FBXL7: variants seen among roughly 807,000 people sequenced by gnomAD.
The protein encoded by FBXL7 is F-box/LRR-repeat protein 7.
In FBXL7, 12 loss-of-function variants were observed where a neutral mutation model predicts 38.3. The observed-to-expected ratio is 0.31, with a 90% CI of 0.20 to 0.51. The LOEUF is 0.51. Among genes scored for constraint, FBXL7 ranks in the 20% least tolerant of loss-of-function variants. FBXL7 has a pLI of 0.98. For synonymous variants in FBXL7, 297 were observed against 300.9 expected, an observed-to-expected ratio of 0.99 and a Z score of 0.13; for missense variants, 567 against 676.4, an observed-to-expected ratio of 0.84 and a Z score of 1.79.
chr5:15,627,798 G>A (rs926546895), intron 2 of FBXL7, among the ~76,000 whole-genome samples: 12 of 152,130 alleles, frequency 7.9e-5, no homozygotes, highest in Non-Finnish European at 8.8e-5. Flanking sequence ...CACGGACACA[G>A]TTTGACCTTA....
intron 2 of FBXL7, among the ~76,000 whole-genome samples, chr5:15,854,691 C>T (rs189401727): frequency 6.6e-6 from 1 of 152,298 alleles, no homozygotes; most frequent in East Asian, 1.9e-4. Flanking sequence ...GTTGCAGGCT[C>T]ATGCTTTCAG....
intron 2 of FBXL7, among the ~76,000 whole-genome samples, chr5:15,818,150 T>C (rs1285693614): frequency 6.6e-6 from 1 of 152,086 alleles, no homozygotes; most frequent in African/African-American, 2.4e-5. Context: ...GTGTGGTGTG[T>C]GCGTGTTATT....
At chr5:15,896,304 G>C (rs1171597039) in intron 2 of FBXL7, among the ~76,000 whole-genome samples, 1 of 152,098 alleles carries the variant, frequency 6.6e-6, no homozygotes, top group Non-Finnish European at 1.5e-5. Flanking sequence ...AGATGTTTAG[G>C]TCGGAAATGT....
At chr5:15,535,718 T>A (rs1462107590) in intron 1 of FBXL7, among the ~76,000 whole-genome samples, 3 of 152,208 alleles carry the variant, frequency 2.0e-5, no homozygotes, top group Admixed American at 1.3e-4. Flanking sequence ...TGAAATTGGA[T>A]CTTCTGTTTA....
chr5:15,799,425 G>A (rs1000255503), intron 2 of FBXL7, among the ~76,000 whole-genome samples: 11 of 144,846 alleles, frequency 7.6e-5, no homozygotes, highest in African/African-American at 2.1e-4. Context: ...ACAGTGGTGC[G>A]ATGTCAGCTC....
intron 2 of FBXL7, among the ~76,000 whole-genome samples, chr5:15,895,066 C>T (rs1741050977): frequency 6.6e-6 from 1 of 152,134 alleles, no homozygotes; most frequent in East Asian, 1.9e-4. Context: ...TAGTTCAAAA[C>T]TGTCAATATT....
chr5:15,882,248 ACTT>A (rs1740486346), intron 2 of FBXL7, among the ~76,000 whole-genome samples: 1 of 152,162 alleles, frequency 6.6e-6, no homozygotes, highest in African/African-American at 2.4e-5. Flanking sequence ...CACTAGCTTT[ACTT>A]CTGAGTAGGC....
intron 2 of FBXL7, among the ~76,000 whole-genome samples, chr5:15,849,229 C>G (rs1358607367): frequency 1.3e-5 from 2 of 152,194 alleles, no homozygotes; most frequent in East Asian, 3.8e-4. Context: ...TGACTCCTCT[C>G]TTGATCTGCC....
chr5:15,656,436 C>T (rs1289092405), intron 2 of FBXL7, among the ~76,000 whole-genome samples: 1 of 152,058 alleles, frequency 6.6e-6, no homozygotes, highest in African/African-American at 2.4e-5. Context: ...GAGCACGTCC[C>T]GTCTTACATG....
chr5:15,791,076 G>A (rs896457207), intron 2 of FBXL7, among the ~76,000 whole-genome samples: 4 of 148,972 alleles, frequency 2.7e-5, no homozygotes, highest in Non-Finnish European at 3.0e-5. Context: ...GTAAAAGGGG[G>A]GGGGGGGTTA....
intron 2 of FBXL7, among the ~76,000 whole-genome samples, chr5:15,715,405 C>A (rs376612692): frequency 6.7e-6 from 1 of 149,488 alleles, no homozygotes; most frequent in African/African-American, 2.5e-5. Context: ...GCAGAAGAAT[C>A]GCTTGAACCT....
rs557577507 is a variant in FBXL7, at chr5:15,512,373, C to T, written c.37+11660C>T. On this transcript the variant is annotated intron_variant, in intron 1 of 3. Coordinates refer to ENST00000504595, the MANE Select transcript of FBXL7 (RefSeq NM_012304.5). ...TGTGTTTATTCATTGCTCATCCTTC[C>T]GTATATGCACACTCATGTGATTGTA... 3.1e-4 allele frequency among the ~76,000 whole-genome samples: 47 copies of T among 152,250 alleles called. No homozygotes were observed. The East Asian group carries it at 3.9e-3, about 13-fold the overall frequency.
intron 2 of FBXL7, among the ~76,000 whole-genome samples, chr5:15,886,905 G>A (rs144428667): frequency 3.3e-5 from 5 of 152,260 alleles, no homozygotes; most frequent in African/African-American, 1.2e-4. Flanking sequence ...GATTTAAAGT[G>A]CCATGAAGAT....
chr5:15,714,157 G>A (rs1369991540), intron 2 of FBXL7, among the ~76,000 whole-genome samples: 1 of 152,200 alleles, frequency 6.6e-6, no homozygotes, highest in African/African-American at 2.4e-5. Flanking sequence ...GTAATCCCCA[G>A]TGTTAGAGGA....
At chr5:15,631,133 A>G (rs1251108922) in intron 2 of FBXL7, among the ~76,000 whole-genome samples, 1 of 152,168 alleles carries the variant, frequency 6.6e-6, no homozygotes, top group African/African-American at 2.4e-5. Flanking sequence ...TGAAATCCCA[A>G]CAGGGTTTTA....
intron 2 of FBXL7, among the ~76,000 whole-genome samples, chr5:15,692,988 G>A (rs1579382669): frequency 6.6e-6 from 1 of 152,142 alleles, no homozygotes; most frequent in Non-Finnish European, 1.5e-5. Flanking sequence ...ACCAGTTGGA[G>A]TAATGCTGCT....
At chr5:15,880,267 C>T (rs1448731052) in intron 2 of FBXL7, among the ~76,000 whole-genome samples, 2 of 137,436 alleles carry the variant, frequency 1.5e-5, no homozygotes, top group Non-Finnish European at 3.1e-5. Flanking sequence ...GGGTCCAGGT[C>T]CACCGCCCTG....
At chr5:15,649,338 T>A (rs938262740) in intron 2 of FBXL7, among the ~76,000 whole-genome samples, 1 of 152,192 alleles carries the variant, frequency 6.6e-6, no homozygotes, top group Non-Finnish European at 1.5e-5. Flanking sequence ...TAATTTGACA[T>A]TGGAAATCTA....
At chr5:15,766,070 A>G (rs1008142076) in intron 2 of FBXL7, among the ~76,000 whole-genome samples, 1 of 99,836 alleles carries the variant, frequency 1.0e-5, no homozygotes, top group Non-Finnish European at 2.3e-5. Context: ...CTACCTACCT[A>G]CCTAACAGCA....
Sources: gnomAD v4.1 joint callset for allele counts (sites outside exome capture counted in the v4.1 genomes callset) on GRCh38, gnomAD v4.1.1 for gene constraint, MANE v1.5 for transcripts, NCBI Gene and HGNC (gene_info 2026-07-23, HGNC 2026-07-21) for gene names.